Variants in MDFIC2 observed in about 807,000 individuals in gnomAD.
The protein encoded by MDFIC2 is myoD family inhibitor domain-containing protein 2.
chr3:70,279,764 C>T (rs1457950785), intron 2 of MDFIC2, among the ~76,000 whole-genome samples: 1 of 152,146 alleles, frequency 6.6e-6, no homozygotes, highest in Non-Finnish European at 1.5e-5. Flanking sequence ...AATGCCATCC[C>T]TCTTTTCCTT....
intron 2 of MDFIC2, among the ~76,000 whole-genome samples, chr3:70,283,337 G>T (rs749302167): frequency 6.6e-6 from 1 of 152,064 alleles, no homozygotes; most frequent in Non-Finnish European, 1.5e-5. Context: ...ATGCTCAATA[G>T]TGGCTGAATG....
chr3:70,256,998 G>T (rs1032570033), intron 2 of MDFIC2, among the ~76,000 whole-genome samples: 4 of 152,172 alleles, frequency 2.6e-5, no homozygotes, highest in Non-Finnish European at 4.4e-5. Context: ...GGAGAGGAGG[G>T]CAAGTCCAGT....
intron 2 of MDFIC2, among the ~76,000 whole-genome samples, chr3:70,305,871 A>G (rs1279874507): frequency 2.6e-5 from 4 of 152,144 alleles, no homozygotes; most frequent in African/African-American, 4.8e-5. Context: ...TCTATTATGC[A>G]TTTGAGATTT....
intron 2 of MDFIC2, among the ~76,000 whole-genome samples, chr3:70,270,451 T>G (rs1701965752): frequency 6.6e-6 from 1 of 152,208 alleles, no homozygotes; most frequent in Admixed American, 6.5e-5. Context: ...AGTTTTGTGT[T>G]TCATTCACTT....
At chr3:70,274,578 A>G (rs1702003951) in intron 2 of MDFIC2, among the ~76,000 whole-genome samples, 1 of 152,244 alleles carries the variant, frequency 6.6e-6, no homozygotes, top group East Asian at 1.9e-4. Flanking sequence ...GAGCTGAACA[A>G]TGAGGACACA....
At chr3:70,265,336 T>C (rs1034442769) in intron 2 of MDFIC2, among the ~76,000 whole-genome samples, 13 of 152,186 alleles carry the variant, frequency 8.5e-5, no homozygotes, top group Non-Finnish European at 1.5e-5. Flanking sequence ...GTGATATTCT[T>C]TTCACTAATG....
intron 2 of MDFIC2, among the ~76,000 whole-genome samples, chr3:70,228,841 T>A (rs1342789117): frequency 6.6e-6 from 1 of 152,138 alleles, no homozygotes; most frequent in African/African-American, 2.4e-5. Flanking sequence ...ATTCCTTAAT[T>A]CCTTTAGCTA....
intron 2 of MDFIC2, among the ~76,000 whole-genome samples, chr3:70,240,791 C>T (rs919888766): frequency 9.9e-5 from 15 of 151,994 alleles, no homozygotes; most frequent in South Asian, 4.2e-4. Flanking sequence ...TTTCATACAC[C>T]GGGGCACATC....
intron 2 of MDFIC2, among the ~76,000 whole-genome samples, chr3:70,237,417 C>T (rs1701620500): frequency 6.6e-6 from 1 of 152,202 alleles, no homozygotes; most frequent in African/African-American, 2.4e-5. Context: ...TCTATCTTGA[C>T]CTCTTTGTGC....
intron 2 of MDFIC2, among the ~76,000 whole-genome samples, chr3:70,290,121 A>G (rs1559555249): frequency 6.6e-6 from 1 of 151,982 alleles, no homozygotes; most frequent in African/African-American, 2.4e-5. Flanking sequence ...GTTCCTTTGT[A>G]GGAGGAGAGG....
At chr3:70,287,531 T>C (rs1702178827) in intron 2 of MDFIC2, among the ~76,000 whole-genome samples, 1 of 151,958 alleles carries the variant, frequency 6.6e-6, no homozygotes, top group South Asian at 2.1e-4. Flanking sequence ...TTTTTGGTTG[T>C]GTCTCTGCCC....
intron 2 of MDFIC2, among the ~76,000 whole-genome samples, chr3:70,289,933 C>G (rs373095262): frequency 0.068 from 10,260 of 151,082 alleles, 522 homozygotes; most frequent in East Asian, 0.26. Flanking sequence ...GCACTTCTCT[C>G]TATTGGTTAT....
intron 2 of MDFIC2, among the ~76,000 whole-genome samples, chr3:70,309,709 C>G (rs1702438638): frequency 2.6e-5 from 4 of 152,142 alleles, no homozygotes; most frequent in Non-Finnish European, 5.9e-5. Flanking sequence ...TGTTTGAAAA[C>G]TAACTCATCC....
chr3:70,270,098 A>C (rs931541586), intron 2 of MDFIC2, among the ~76,000 whole-genome samples: 1 of 152,208 alleles, frequency 6.6e-6, no homozygotes, highest in Non-Finnish European at 1.5e-5. Context: ...AAGAAATCTA[A>C]TGATGCCATC....
At chr3:70,238,072 C>T (rs1701629943) in intron 2 of MDFIC2, among the ~76,000 whole-genome samples, 1 of 124,934 alleles carries the variant, frequency 8.0e-6, no homozygotes, top group Non-Finnish European at 1.6e-5. Flanking sequence ...ATTCTTTATA[C>T]CTTGAGTGGA....
chr3:70,240,019 T>C (rs141987979), intron 2 of MDFIC2, among the ~76,000 whole-genome samples: 1 of 152,130 alleles, frequency 6.6e-6, no homozygotes, highest in African/African-American at 2.4e-5. Context: ...TGATGAGAAG[T>C]AAAAATAGGT....
chr3:70,307,953 C>G (rs1212941189), intron 2 of MDFIC2, among the ~76,000 whole-genome samples: 1 of 152,224 alleles, frequency 6.6e-6, no homozygotes, highest in African/African-American at 2.4e-5. Context: ...TCACCTCCTT[C>G]TCTCCACCTG....
rs572943956 is a variant in MDFIC2, at chr3:70,258,769, G to C, written c.89-51979C>G. Among the ~76,000 whole-genome samples, 7 of 152,140 alleles carry C rather than the reference G, an allele frequency of 4.6e-5. No homozygotes were observed. The South Asian group carries it at 1.5e-3, about 32-fold the overall frequency. ...AAAAATAACAAACAATAGGGAAATG[G>C]AACCTTGCAAAAAGTGTTATTTAGC... On this transcript the variant is annotated intron_variant, in intron 2 of 3. Transcript: ENST00000567252.
intron 2 of MDFIC2, among the ~76,000 whole-genome samples, chr3:70,245,691 A>T (rs1011755365): frequency 2.7e-4 from 36 of 135,320 alleles, no homozygotes; most frequent in African/African-American, 9.4e-4. Context: ...ATATATATAT[A>T]TATATATATA....
Sources: gnomAD v4.1 joint callset for allele counts (sites outside exome capture counted in the v4.1 genomes callset) on GRCh38, gnomAD v4.1.1 for gene constraint, MANE v1.5 for transcripts, NCBI Gene and HGNC (gene_info 2026-07-23, HGNC 2026-07-21) for gene names.